Variants in EFR3B observed in about 807,000 individuals in gnomAD.
EFR3B encodes EFR3 homolog B, also known as protein EFR3 homolog B.
In EFR3B, 64 loss-of-function variants were observed where a neutral mutation model predicts 104.7. That is an observed-to-expected ratio of 0.61 (90% CI 0.50 to 0.75). The LOEUF (loss-of-function observed/expected upper bound fraction) is 0.75. EFR3B is among the 30% of genes least tolerant of loss of function. The pLI is 0.00. For synonymous variants in EFR3B, 385 were observed against 417.9 expected (o/e 0.92, Z 0.96); for missense variants, 750 against 1,078.5 (o/e 0.70, Z 4.27).
intron 1 of EFR3B, among the ~76,000 whole-genome samples, chr2:25,084,778 A>G (rs937927370): frequency 4.6e-5 from 7 of 152,230 alleles, no homozygotes; most frequent in Non-Finnish European, 1.0e-4. Flanking sequence ...CTTCCAGGCC[A>G]TAGGTAGATA....
chr2:25,129,190 A>G (rs1489255080), intron 6 of EFR3B, among the ~76,000 whole-genome samples: 2 of 151,470 alleles, frequency 1.3e-5, no homozygotes, highest in Non-Finnish European at 2.9e-5. Context: ...CTGTCCCTGC[A>G]CCCTCATTTT....
chr2:25,143,909 T>A, intron 18 of EFR3B, 47 bp downstream of exon 18: 2 of 1,542,734 alleles, frequency 1.3e-6, no homozygotes, highest in Non-Finnish European at 1.8e-6. Flanking sequence ...TGTCTTTACT[T>A]GGCCAGGTAA....
chr2:25,086,443 T>C (rs957959629), intron 1 of EFR3B, among the ~76,000 whole-genome samples: 1 of 152,240 alleles, frequency 6.6e-6, no homozygotes, highest in African/African-American at 2.4e-5. Flanking sequence ...GTGTTCTGGA[T>C]CTGGGCCATT....
intron 3 of EFR3B, 143 bp downstream of exon 3, chr2:25,093,273 T>G (rs1669185831): frequency 4.4e-6 from 5 of 1,138,878 alleles, no homozygotes; most frequent in Non-Finnish European, 6.0e-6. Flanking sequence ...GGTGGGAGGA[T>G]CACTGAGGCC....
At chr2:25,095,418 A>G (rs1360108680) in intron 3 of EFR3B, among the ~76,000 whole-genome samples, 1 of 152,188 alleles carries the variant, frequency 6.6e-6, no homozygotes, top group African/African-American at 2.4e-5. Context: ...CATACTGGCC[A>G]GGTGCGGTGG....
chr2:25,082,802 A>G (rs1179688553), intron 1 of EFR3B, among the ~76,000 whole-genome samples: 1 of 152,150 alleles, frequency 6.6e-6, no homozygotes, highest in Non-Finnish European at 1.5e-5. Context: ...GTAGACACAG[A>G]TGAAATGTGT....
intron 4 of EFR3B, among the ~76,000 whole-genome samples, chr2:25,107,332 C>A (rs531239988): frequency 6.6e-6 from 1 of 152,320 alleles, no homozygotes; most frequent in African/African-American, 2.4e-5. Flanking sequence ...TGTAGCTTTT[C>A]CCTCAGACCT....
chr2:25,110,802 T>C (rs1277630152), intron 4 of EFR3B, among the ~76,000 whole-genome samples: 1 of 152,212 alleles, frequency 6.6e-6, no homozygotes, highest in Non-Finnish European at 1.5e-5. Flanking sequence ...TAAATCCAGA[T>C]TTCCCTAATT....
At chr2:25,110,542 G>T (rs910615064) in intron 4 of EFR3B, among the ~76,000 whole-genome samples, 1 of 151,890 alleles carries the variant, frequency 6.6e-6, no homozygotes, top group Non-Finnish European at 1.5e-5. Flanking sequence ...CTCTCCAAAG[G>T]GTTCCCAGCC....
At chr2:25,095,132 A>G (rs1157007358) in intron 3 of EFR3B, among the ~76,000 whole-genome samples, 1 of 152,148 alleles carries the variant, frequency 6.6e-6, no homozygotes, top group East Asian at 1.9e-4. Flanking sequence ...TCACACACAG[A>G]GATGTTCGTT....
At chr2:25,129,331 C>CGGGGGT (rs1670261203) in intron 6 of EFR3B, among the ~76,000 whole-genome samples, 1 of 47,034 alleles carries the variant, frequency 2.1e-5, no homozygotes, top group Admixed American at 2.0e-4. Flanking sequence ...GGGGCGGGGG[C>CGGGGGT]GGGGGCGGGG....
intron 12 of EFR3B, among the ~76,000 whole-genome samples, chr2:25,135,054 C>T (rs1670482256): frequency 6.6e-6 from 1 of 152,134 alleles, no homozygotes; most frequent in Non-Finnish European, 1.5e-5. Context: ...ATCCTTCAGC[C>T]CAGCTGTGAG....
In EFR3B at chr2:25,103,750, C is replaced by T; in HGVS notation, c.326C>T (p.Ser109Leu). 6.4e-7 allele frequency: 1 copy of T among 1,551,702 alleles called. No individual in the cohort carries two copies. The highest frequency in any genetic ancestry group is 8.7e-7 in the Non-Finnish European group (1 of 1,146,970). Residue 109 changes from serine to leucine, a missense_variant, in exon 4 of 23, where the codon TCA becomes TTA. Ser to Leu is a moderately radical substitution (Grantham distance 145). Transcript: ENST00000403714. ...AAGATGGTGGCCAAGCTGCTGGAGT[C>T]AGAGAAACCCAACCTGCAGATCCTC... Reference protein sequence around the residue: ...FLKMVAKLLESEKPNLQILGT... With the variant: ...FLKMVAKLLELEKPNLQILGT...
intron 1 of EFR3B, among the ~76,000 whole-genome samples, chr2:25,059,196 T>C (rs1400027979): frequency 6.6e-6 from 1 of 150,552 alleles, no homozygotes; most frequent in East Asian, 2.0e-4. Context: ...CACTGCAGCC[T>C]CCGCCTCCTG....
At chr2:25,121,932 G>A in intron 5 of EFR3B, 138 bp downstream of exon 5, 1 of 1,218,222 alleles carries the variant, frequency 8.2e-7, no homozygotes, top group Non-Finnish European at 1.1e-6. Context: ...CGGGCAGGTG[G>A]GCCAGCACCC....
chr2:25,137,960 T>G lies in EFR3B; in HGVS notation c.1722+458T>G, dbSNP rs1239937962. Reference sequence around the variant, plus strand: ...GCCGAGGTGGGTGGACCACTTGAGGTCAGGAGTTCAAGACCAGCCTGGCCA... The same window carrying G: ...GCCGAGGTGGGTGGACCACTTGAGGGCAGGAGTTCAAGACCAGCCTGGCCA... On this transcript the variant is annotated intron_variant, in intron 15 of 22. Coordinates refer to ENST00000403714, the MANE Select transcript of EFR3B (RefSeq NM_014971.2). This position sits in a 1 kb window ranked among gnomAD's most constrained non-coding sequence, Gnocchi z 4.7. Among the ~76,000 whole-genome samples the G allele has an allele frequency of 6.6e-6, 1 of 151,980 alleles. No homozygotes were observed. The highest frequency in any genetic ancestry group is 1.5e-5 in the Non-Finnish European group (1 of 67,990).
At chr2:25,142,966 G>T (rs564166298) in intron 17 of EFR3B, among the ~76,000 whole-genome samples, 223 of 141,586 alleles carry the variant, frequency 1.6e-3, no homozygotes, top group African/African-American at 5.4e-3. Flanking sequence ...AAAAAAAAAA[G>T]GCTGGGCATG....
Position 25,042,336 on chromosome 2 carries a change from G to A in EFR3B, c.7+17G>A. On this transcript the variant is annotated intron_variant, in intron 1 of 22. Coordinates refer to ENST00000403714, the MANE Select transcript of EFR3B (RefSeq NM_014971.2). The surrounding 1 kb of genome is among the most constrained non-coding windows in gnomAD (Gnocchi z 5.4). ...AGATGTACGGTAAGGAGGGCTCCGC[G>A]CCCGGGCCCGGGCCCGCGGGGGCGA... 7.9e-7 allele frequency: 1 copy of A among 1,259,028 alleles called. No homozygotes were observed. Among genetic ancestry groups the A allele is most frequent in the Non-Finnish European group, 1.0e-6 (1 of 1,000,762 alleles). 78.0% of individuals were successfully genotyped at this position (1,259,028 alleles called of 1,614,324 possible). A position where few individuals can be genotyped will look rare whatever the true frequency, so the allele number is the denominator to read the frequency against.
intron 21 of EFR3B, among the ~76,000 whole-genome samples, chr2:25,152,836 GTGTGTGTA>G (rs776347406): frequency 1.5e-3 from 119 of 80,118 alleles, no homozygotes; most frequent in Middle Eastern, 6.9e-3. Context: ...GTGTGTGTGT[GTGTGTGTA>G]TATAAAACAC....
Sources: gnomAD v4.1 joint callset for allele counts (sites outside exome capture counted in the v4.1 genomes callset) on GRCh38, gnomAD v4.1.1 for gene constraint, Gnocchi (gnomAD v3.1) non-coding constraint, MANE v1.5 for transcripts, NCBI Gene and HGNC (gene_info 2026-07-23, HGNC 2026-07-21) for gene names.